CSMD1: variants seen among roughly 807,000 people sequenced by gnomAD.
CSMD1 encodes the protein CUB and Sushi multiple domains 1, also known as CUB and sushi domain-containing protein 1.
In CSMD1, 213 loss-of-function variants were observed where a neutral mutation model predicts 417.5. The observed-to-expected ratio is 0.51, with a 90% CI of 0.46 to 0.57. The LOEUF (loss-of-function observed/expected upper bound fraction) is 0.57. CSMD1 is among the 20% of genes least tolerant of loss of function. The pLI is 0.00. For synonymous variants in CSMD1, 2,862 were observed against 1,736.8 expected, an observed-to-expected ratio of 1.65 and a Z score of -16.11; for missense variants, 6,923 against 4,529.7, an observed-to-expected ratio of 1.53 and a Z score of -15.17.
At chr8:4,065,680 G>C (rs143425775) in intron 3 of CSMD1, among the ~76,000 whole-genome samples, 57 of 152,286 alleles carry the variant, frequency 3.7e-4, no homozygotes, top group African/African-American at 1.3e-3. Flanking sequence ...ACTTCTGGAA[G>C]ATCAAAAGTA....
intron 12 of CSMD1, among the ~76,000 whole-genome samples, chr8:3,424,287 T>C (rs897915963): frequency 6.6e-6 from 1 of 152,200 alleles, no homozygotes; most frequent in Admixed American, 6.5e-5. Flanking sequence ...AGCCAGGTAT[T>C]GCCTAGTTTA....
At chr8:3,907,193 G>C (rs1320123622) in intron 5 of CSMD1, among the ~76,000 whole-genome samples, 1 of 152,124 alleles carries the variant, frequency 6.6e-6, no homozygotes, top group Non-Finnish European at 1.5e-5. Context: ...ACCTGAATCA[G>C]CGATCTGATC....
At chr8:3,076,077 T>C (rs1308618726) in intron 49 of CSMD1, among the ~76,000 whole-genome samples, 1 of 148,330 alleles carries the variant, frequency 6.7e-6, no homozygotes, top group Non-Finnish European at 1.5e-5. Context: ...AAAAAAGACG[T>C]TGTCACTGTT....
At chr8:4,700,036 G>C (rs982818379) in intron 1 of CSMD1, among the ~76,000 whole-genome samples, 4 of 152,160 alleles carry the variant, frequency 2.6e-5, no homozygotes, top group South Asian at 2.1e-4. Flanking sequence ...GCTTCACAAA[G>C]AGCCATGAAG....
At chr8:4,152,003 T>C (rs1415356486) in intron 3 of CSMD1, among the ~76,000 whole-genome samples, 14 of 152,156 alleles carry the variant, frequency 9.2e-5, no homozygotes, top group Non-Finnish European at 2.9e-5. Flanking sequence ...AGGGGGTCAT[T>C]TTAACGTAAT....
At chr8:3,153,675 G>C (rs1322356885) in intron 39 of CSMD1, among the ~76,000 whole-genome samples, 4 of 152,328 alleles carry the variant, frequency 2.6e-5, no homozygotes, top group East Asian at 3.9e-4. Context: ...CTTCAGCTGA[G>C]GACTGAGGCA....
chr8:3,900,993 T>C (rs529035375), intron 5 of CSMD1, among the ~76,000 whole-genome samples: 2 of 152,366 alleles, frequency 1.3e-5, no homozygotes, highest in Admixed American at 6.5e-5. Flanking sequence ...TTTTCATTAT[T>C]GCTAGCTGTC....
At chr8:4,827,471 C>T (rs563014336) in intron 1 of CSMD1, among the ~76,000 whole-genome samples, 1 of 152,260 alleles carries the variant, frequency 6.6e-6, no homozygotes, top group South Asian at 2.1e-4. Context: ...CAAGTCAAAA[C>T]AAAGTGCACT....
intron 10 of CSMD1, among the ~76,000 whole-genome samples, chr8:3,501,165 G>C (rs1369467556): frequency 6.6e-6 from 1 of 152,124 alleles, no homozygotes; most frequent in Non-Finnish European, 1.5e-5. Flanking sequence ...CACTTCTCCT[G>C]ATTCAGTTAA....
chr8:3,310,565 C>T (rs1805250921), intron 23 of CSMD1, among the ~76,000 whole-genome samples: 1 of 152,162 alleles, frequency 6.6e-6, no homozygotes. Context: ...TATCCAATGT[C>T]ATTGGAACAT....
chr8:3,826,679 A>T (rs984498283), intron 5 of CSMD1, among the ~76,000 whole-genome samples: 2 of 152,188 alleles, frequency 1.3e-5, no homozygotes, highest in Non-Finnish European at 2.9e-5. Context: ...TTGAGGAACC[A>T]ACTCTGACTT....
At chr8:3,424,406 C>G (rs952463219) in intron 12 of CSMD1, among the ~76,000 whole-genome samples, 9 of 152,134 alleles carry the variant, frequency 5.9e-5, no homozygotes, top group African/African-American at 2.2e-4. Context: ...TGAGAGTGTA[C>G]CAAGCAAAAC....
chr8:4,300,413 G>C (rs1585187222), intron 3 of CSMD1, among the ~76,000 whole-genome samples: 3 of 152,246 alleles, frequency 2.0e-5, no homozygotes, highest in Middle Eastern at 6.8e-3. Context: ...ACTTTTGTAA[G>C]CGATGATGCC....
intron 4 of CSMD1, among the ~76,000 whole-genome samples, chr8:4,010,997 G>C (rs1488231408): frequency 6.6e-6 from 1 of 152,094 alleles, no homozygotes; most frequent in African/African-American, 2.4e-5. Context: ...CTCCCTTTCT[G>C]GGGGATGACT....
At chr8:4,798,185 C>T (rs1209000506) in intron 1 of CSMD1, among the ~76,000 whole-genome samples, 2 of 152,126 alleles carry the variant, frequency 1.3e-5, no homozygotes, top group Non-Finnish European at 2.9e-5. Flanking sequence ...ATGACAGGCC[C>T]CGGTGTGTGA....
intron 1 of CSMD1, among the ~76,000 whole-genome samples, chr8:4,807,816 A>C (rs1798677752): frequency 6.6e-6 from 1 of 152,180 alleles, no homozygotes; most frequent in Admixed American, 6.5e-5. Flanking sequence ...GAAGCCAGCC[A>C]TAATATTAAT....
At chr8:4,837,962 G>A (rs1355764534) in intron 1 of CSMD1, among the ~76,000 whole-genome samples, 5 of 152,120 alleles carry the variant, frequency 3.3e-5, no homozygotes, top group Admixed American at 1.3e-4. Context: ...GCTCACTGAG[G>A]CATTGCCTGT....
chr8:4,034,371 G>A (rs1003095893), intron 3 of CSMD1, among the ~76,000 whole-genome samples: 1 of 152,174 alleles, frequency 6.6e-6, no homozygotes, highest in South Asian at 2.1e-4. Context: ...ATTTCTGAGA[G>A]CAGTCTACAG....
chr8:4,677,889 T>C (rs1019155031), intron 1 of CSMD1, among the ~76,000 whole-genome samples: 3 of 152,176 alleles, frequency 2.0e-5, no homozygotes, highest in African/African-American at 4.8e-5. Context: ...ATCTGAATGC[T>C]GTAAAGTGTG....
Sources: allele counts gnomAD v4.1 joint callset (sites outside exome capture counted in the v4.1 genomes callset), GRCh38; gene constraint gnomAD v4.1.1; transcripts MANE v1.5; gene names NCBI Gene and HGNC (gene_info 2026-07-23, HGNC 2026-07-21).